The following LAMA2 variants were observed in gnomAD, a reference collection of about 807,000 sequenced individuals.
The protein encoded by LAMA2 is laminin subunit alpha-2.
LAMA2 carries 269 observed loss-of-function variants against 364.8 expected under a neutral mutation model. The ratio of observed to expected loss-of-function variants is 0.74; its 90% CI spans 0.67 to 0.82. LAMA2 has a LOEUF of 0.82. Ranked by LOEUF, LAMA2 falls within the 40% of genes least tolerant of loss-of-function variation. LAMA2 has a pLI of 0.00. For synonymous variants in LAMA2, 1,379 were observed against 1,370.6 expected (o/e 1.01, Z -0.14); for missense variants, 3,807 against 3,873.2 (o/e 0.98, Z 0.45).
intron 29 of LAMA2, among the ~76,000 whole-genome samples, chr6:129,330,708 T>G (rs567538221): frequency 1.1e-4 from 16 of 152,004 alleles, no homozygotes; most frequent in African/African-American, 3.6e-4. Context: ...TTTTTTCTTG[T>G]TCCTTATCTC....
intron 1 of LAMA2, among the ~76,000 whole-genome samples, chr6:128,924,896 A>G (rs1187162457): frequency 6.6e-6 from 1 of 152,212 alleles, no homozygotes; most frequent in African/African-American, 2.4e-5. Context: ...GTTTCACACC[A>G]TATTGTTGAG....
At chr6:129,512,558 C>T in intron 63 of LAMA2, 65 bp downstream of exon 63, 1 of 1,546,564 alleles carries the variant, frequency 6.5e-7, no homozygotes, top group Non-Finnish European at 8.9e-7. Flanking sequence ...AGATATCATC[C>T]ATGTGTGGGA....
At chr6:128,927,870 C>T (rs753809085) in intron 1 of LAMA2, among the ~76,000 whole-genome samples, 5 of 152,088 alleles carry the variant, frequency 3.3e-5, no homozygotes, top group Non-Finnish European at 7.4e-5. Flanking sequence ...ACTTAATAAT[C>T]CTTCTTTGAC....
chr6:129,100,519 A>G (rs894636713), intron 4 of LAMA2, among the ~76,000 whole-genome samples: 2 of 152,236 alleles, frequency 1.3e-5, no homozygotes, highest in Non-Finnish European at 2.9e-5. Flanking sequence ...TTTTTTGAAT[A>G]GACAGGTGAT....
chr6:129,379,508 T>C (rs559870127), intron 34 of LAMA2, among the ~76,000 whole-genome samples: 2 of 152,210 alleles, frequency 1.3e-5, no homozygotes, highest in East Asian at 3.9e-4. Flanking sequence ...ACCTCACGTC[T>C]CCTCCTCTTC....
intron 48 of LAMA2, among the ~76,000 whole-genome samples, chr6:129,458,375 A>G (rs145910124): frequency 6.6e-6 from 1 of 152,234 alleles, no homozygotes; most frequent in Non-Finnish European, 1.5e-5. Flanking sequence ...GAAAGAAAAC[A>G]TGAACAAATG....
At chr6:129,060,135 T>G (rs1457374598) in intron 3 of LAMA2, among the ~76,000 whole-genome samples, 1 of 152,228 alleles carries the variant, frequency 6.6e-6, no homozygotes, top group Admixed American at 6.5e-5. Context: ...ATGAATTAGG[T>G]GCTAACTCTG....
intron 1 of LAMA2, among the ~76,000 whole-genome samples, chr6:128,896,864 G>C (rs1399644510): frequency 6.6e-6 from 1 of 152,140 alleles, no homozygotes; most frequent in Non-Finnish European, 1.5e-5. Flanking sequence ...CTTTTTGACA[G>C]TTTAGGACTG....
At chr6:128,910,087 A>G (rs1388936537) in intron 1 of LAMA2, among the ~76,000 whole-genome samples, 2 of 151,438 alleles carry the variant, frequency 1.3e-5, no homozygotes, top group Admixed American at 6.6e-5. Flanking sequence ...CTTCATTTCA[A>G]CTTTGGTGAA....
intron 8 of LAMA2, among the ~76,000 whole-genome samples, chr6:129,164,352 G>A (rs778397633): frequency 1.2e-4 from 18 of 152,062 alleles, no homozygotes; most frequent in South Asian, 8.3e-4. Context: ...ATTTATTTCT[G>A]GAGTTTTCCA....
intron 1 of LAMA2, among the ~76,000 whole-genome samples, chr6:128,912,071 T>C (rs1224379116): frequency 2.6e-5 from 4 of 152,242 alleles, no homozygotes. Flanking sequence ...GTTTCCAGTT[T>C]TTAATTATCA....
intron 1 of LAMA2, among the ~76,000 whole-genome samples, chr6:128,883,767 C>A (rs1775966337): frequency 6.7e-6 from 1 of 149,008 alleles, no homozygotes; most frequent in Non-Finnish European, 1.5e-5. Flanking sequence ...TGGAGGGTAG[C>A]TGATGCATCA....
chr6:129,375,391 TAA>T (rs1407719787), intron 34 of LAMA2, among the ~76,000 whole-genome samples: 2 of 152,202 alleles, frequency 1.3e-5, no homozygotes, highest in African/African-American at 4.8e-5. Context: ...CAAAATTTTT[TAA>T]AGACTTGGAG....
chr6:129,251,975 A>T lies in LAMA2; in HGVS notation c.1885-109A>T, dbSNP rs1056539969. 11 of 672,020 alleles carry T rather than the reference A, an allele frequency of 1.6e-5. No homozygotes were observed. The African/African-American group carries it at 1.8e-4, about 11-fold the overall frequency. The allele number at this position is 672,020 out of a possible 1,614,324, so 41.6% of individuals were successfully genotyped here. A position where few individuals can be genotyped will look rare whatever the true frequency, so the allele number is the denominator to read the frequency against. ...AAATAAAAAATAAACATAAATTTTT[A>T]AAGTTAAAAGTCTATTGAGGGTGGA... On this transcript the variant is annotated intron_variant, in intron 13 of 64. Coordinates refer to ENST00000421865, the MANE Select transcript of LAMA2 (RefSeq NM_000426.4).
intron 1 of LAMA2, among the ~76,000 whole-genome samples, chr6:129,028,956 A>G (rs901251785): frequency 1.3e-5 from 2 of 151,922 alleles, no homozygotes; most frequent in African/African-American, 4.8e-5. Flanking sequence ...CTGTCTTGAC[A>G]TGCCCAAATC....
chr6:129,284,160 G>A (rs1359904688), intron 18 of LAMA2, among the ~76,000 whole-genome samples: 1 of 152,142 alleles, frequency 6.6e-6, no homozygotes, highest in Non-Finnish European at 1.5e-5. Context: ...TGCTGATTAT[G>A]TCAAATGGGA....
intron 4 of LAMA2, among the ~76,000 whole-genome samples, chr6:129,139,961 C>T (rs1778023519): frequency 2.0e-5 from 3 of 152,110 alleles, no homozygotes; most frequent in Admixed American, 6.6e-5. Context: ...ACTTCTGCTA[C>T]TTATTTCAAA....
At chr6:129,202,187 CAAAAAAA>C (rs776190977) in intron 12 of LAMA2, among the ~76,000 whole-genome samples, 21 of 62,166 alleles carry the variant, frequency 3.4e-4, no homozygotes, top group Middle Eastern at 8.8e-3. Context: ...GAGTCTGTCT[CAAAAAAA>C]AAAAAAAAAA....
intron 32 of LAMA2, among the ~76,000 whole-genome samples, chr6:129,360,234 T>C (rs1177160697): frequency 6.6e-6 from 1 of 152,170 alleles, no homozygotes; most frequent in African/African-American, 2.4e-5. Context: ...AAAGAACAGT[T>C]GTTTACAGAA....
Sources: allele counts gnomAD v4.1 joint callset (sites outside exome capture counted in the v4.1 genomes callset), GRCh38; gene constraint gnomAD v4.1.1; transcripts MANE v1.5; gene names NCBI Gene and HGNC (gene_info 2026-07-23, HGNC 2026-07-21).